COL26A1: variants seen among roughly 807,000 people sequenced by gnomAD.
COL26A1 encodes collagen type XXVI alpha 1 chain.
Under a neutral mutation model 59.3 loss-of-function variants are expected in COL26A1, and 41 were observed. The observed-to-expected ratio is 0.69, with a 90% CI of 0.54 to 0.90. The LOEUF (loss-of-function observed/expected upper bound fraction) is 0.90, where lower values mean the gene tolerates loss of function less well. Among genes scored for constraint, COL26A1 ranks in the 40% least tolerant of loss-of-function variants. The pLI is 0.00. For synonymous variants in COL26A1, 266 were observed against 256.0 expected, an observed-to-expected ratio of 1.04 and a Z score of -0.37; for missense variants, 612 against 602.3, an observed-to-expected ratio of 1.02 and a Z score of -0.17.
intron 8 of COL26A1, among the ~76,000 whole-genome samples, chr7:101,548,193 G>A (rs1357862832): frequency 6.6e-6 from 1 of 152,286 alleles, no homozygotes; most frequent in African/African-American, 2.4e-5. Context: ...CCCCTGGAGT[G>A]CCTGTCCTCA....
intron 5 of COL26A1, among the ~76,000 whole-genome samples, chr7:101,541,264 GT>G (rs1272338012): frequency 6.6e-6 from 1 of 152,166 alleles, no homozygotes; most frequent in Non-Finnish European, 1.5e-5. Flanking sequence ...TCTTTCTGGG[GT>G]TTGCTCTCTG....
chr7:101,538,949 C>T (rs999693765), intron 4 of COL26A1, among the ~76,000 whole-genome samples: 17 of 152,346 alleles, frequency 1.1e-4, no homozygotes, highest in Non-Finnish European at 2.1e-4. Flanking sequence ...CAGCAGGGAT[C>T]TCCACCCACC....
At chr7:101,404,862 A>G (rs1792090666) in intron 1 of COL26A1, among the ~76,000 whole-genome samples, 2 of 152,324 alleles carry the variant, frequency 1.3e-5, no homozygotes, top group South Asian at 4.1e-4. Flanking sequence ...TGATCATGCC[A>G]CTGCACCCCA....
intron 1 of COL26A1, among the ~76,000 whole-genome samples, chr7:101,364,466 T>C (rs1216200398): frequency 6.6e-6 from 1 of 151,932 alleles, no homozygotes; most frequent in Non-Finnish European, 1.5e-5. Flanking sequence ...TTAACAACCC[T>C]AGGGTTAAAA....
At chr7:101,409,698 C>T (rs117318101) in intron 1 of COL26A1, among the ~76,000 whole-genome samples, 2,700 of 152,332 alleles carry the variant, frequency 0.018, 35 homozygotes, top group Non-Finnish European at 0.028. Context: ...TTAATTATTT[C>T]AAGGCAACTG....
intron 4 of COL26A1, among the ~76,000 whole-genome samples, chr7:101,536,970 C>T (rs1403932327): frequency 6.6e-6 from 1 of 152,178 alleles, no homozygotes; most frequent in Non-Finnish European, 1.5e-5. Context: ...TGTGCTGGGG[C>T]AATGTGACCA....
chr7:101,366,001 T>C (rs1012517718), intron 1 of COL26A1, among the ~76,000 whole-genome samples: 6 of 152,136 alleles, frequency 3.9e-5, no homozygotes, highest in Non-Finnish European at 7.3e-5. Flanking sequence ...CAAACAAGTG[T>C]GGAATCTTCC....
Position 101,463,548 on chromosome 7 carries a change from C to T in COL26A1, c.385+15761C>T, listed in dbSNP as rs201861370. On this transcript the variant is annotated intron_variant, in intron 3 of 12. Coordinates refer to ENST00000313669, the MANE Select transcript of COL26A1 (RefSeq NM_001278563.3). ...CTTCCCCCTCTTCCCCCTTCCCTCC[C>T]CTTTTCTTTTTCTTTCTTTCACTTG... is the stretch of plus-strand genomic sequence containing the variant. Among the ~76,000 whole-genome samples, 13 of 82,820 alleles carry T rather than the reference C, an allele frequency of 1.6e-4. 1 individual carries two copies. In the East Asian group the frequency reaches 4.3e-3, roughly 27 times the overall value. The allele number at this position is 82,820 out of a possible 152,430, so 54.3% of individuals were successfully genotyped here.
At chr7:101,437,205 T>C (rs1377462170) in intron 2 of COL26A1, among the ~76,000 whole-genome samples, 1 of 152,088 alleles carries the variant, frequency 6.6e-6, no homozygotes, top group Non-Finnish European at 1.5e-5. Context: ...CTGGGTACTT[T>C]GAGGGTGTAG....
intron 1 of COL26A1, among the ~76,000 whole-genome samples, chr7:101,407,488 C>T (rs1447298842): frequency 6.6e-6 from 1 of 151,694 alleles, no homozygotes; most frequent in African/African-American, 2.4e-5. Flanking sequence ...ACATCAGCCT[C>T]CCCTCCCTCC....
At chr7:101,521,215 C>A (rs944960753) in intron 3 of COL26A1, among the ~76,000 whole-genome samples, 1 of 152,108 alleles carries the variant, frequency 6.6e-6, no homozygotes, top group African/African-American at 2.4e-5. Context: ...ACGGGGAGAC[C>A]ACCCCCATGA....
chr7:101,444,210 G>A (rs28571889), intron 2 of COL26A1, among the ~76,000 whole-genome samples: 5 of 151,502 alleles, frequency 3.3e-5, no homozygotes, highest in Admixed American at 6.6e-5. Flanking sequence ...GAAGTGTCTC[G>A]CTCTTCTCAG....
intron 2 of COL26A1, among the ~76,000 whole-genome samples, chr7:101,446,046 CAAAAAAAAA>C (rs60343304): frequency 7.8e-5 from 4 of 50,994 alleles, no homozygotes; most frequent in Non-Finnish European, 1.1e-4. Context: ...GACTCCGTCT[CAAAAAAAAA>C]AAAAAAAAAA....
intron 1 of COL26A1, among the ~76,000 whole-genome samples, chr7:101,373,848 C>T (rs1049943431): frequency 6.6e-6 from 1 of 152,202 alleles, no homozygotes. Context: ...TCACTCCCCT[C>T]TTCCCCCAGC....
At chr7:101,547,022 G>A (rs1300774527) in intron 7 of COL26A1, 134 bp from the exon 8 acceptor site, 2 of 593,804 alleles carry the variant, frequency 3.4e-6, no homozygotes, top group East Asian at 5.8e-5. Flanking sequence ...AGTATCTGCA[G>A]CGGGCCCCAG....
chr7:101,429,205 T>C (rs1406164034), intron 2 of COL26A1, among the ~76,000 whole-genome samples: 2 of 152,188 alleles, frequency 1.3e-5, no homozygotes, highest in African/African-American at 4.8e-5. Context: ...ATTACAGGTG[T>C]GAGCCACCAT....
At chr7:101,489,763 TTTC>T in intron 3 of COL26A1, among the ~76,000 whole-genome samples, 1 of 3,634 alleles carries the variant, frequency 2.8e-4, no homozygotes, top group East Asian at 3.5e-3. Flanking sequence ...TCTCTCTTTC[TTTC>T]TTTCTTTCTT....
rs943097611 is a variant in COL26A1 at position 101,398,051 on chromosome 7, G to A, written c.159-21926G>A. ...AATGTCATATAAACAGAATCATTCA[G>A]CATGAACTCTATTGGGTGTGACTTC... On this transcript the variant is annotated intron_variant, in intron 1 of 12. Coordinates refer to ENST00000313669, the MANE Select transcript of COL26A1 (RefSeq NM_001278563.3). 2.9e-4 allele frequency among the ~76,000 whole-genome samples: 44 copies of A among 152,184 alleles called. 1 individual carries two copies. Among genetic ancestry groups the A allele is most frequent in the African/African-American group, 9.9e-4 (41 of 41,446 alleles).
At chr7:101,520,662 A>ACACACACACACACACACACACACACCCC (rs915256077) in intron 3 of COL26A1, among the ~76,000 whole-genome samples, 8 of 143,236 alleles carry the variant, frequency 5.6e-5, no homozygotes, top group African/African-American at 2.1e-4. Context: ...ACACACACAC[A>ACACACACACACACACACACACACACCCC]CCCCCGTGTT....
Sources: allele counts gnomAD v4.1 joint callset (sites outside exome capture counted in the v4.1 genomes callset), GRCh38; gene constraint gnomAD v4.1.1; transcripts MANE v1.5; gene names NCBI Gene and HGNC (gene_info 2026-07-23, HGNC 2026-07-21).